The following EMCN variants were observed in gnomAD, a reference collection of about 807,000 sequenced individuals.
EMCN encodes the protein MUC-14.
A neutral mutation model predicts 38.4 loss-of-function variants in EMCN; 37 were observed. The observed-to-expected ratio is 0.96, with a 90% CI of 0.74 to 1.27. The LOEUF (loss-of-function observed/expected upper bound fraction) is 1.27. Among genes scored for constraint, EMCN ranks in the 50% most tolerant of loss-of-function variants. The probability of loss-of-function intolerance (pLI) is 0.00; values close to 1 mark genes in which losing one functional copy is unlikely to be tolerated. For missense variants in EMCN, 318 were observed against 302.8 expected (o/e 1.05, Z -0.37); for synonymous variants, 95 against 100.8 (o/e 0.94, Z 0.35).
chr4:100,512,750 G>A (rs6823200), intron 1 of EMCN, among the ~76,000 whole-genome samples: 24,722 of 149,634 alleles, frequency 0.17, 3,165 homozygotes, highest in East Asian at 0.7. Flanking sequence ...AAGTTGCAGT[G>A]AGCCAATATC....
chr4:100,399,399 C>T (rs1232326225), intron 11 of EMCN, among the ~76,000 whole-genome samples: 1 of 151,964 alleles, frequency 6.6e-6, no homozygotes, highest in African/African-American at 2.4e-5. Flanking sequence ...GTAACCAGCT[C>T]TTTCCTGGTT....
intron 4 of EMCN, among the ~76,000 whole-genome samples, chr4:100,452,776 T>C (rs984104565): frequency 1.3e-5 from 2 of 152,040 alleles, no homozygotes; most frequent in Admixed American, 1.3e-4. Flanking sequence ...GACTTCAAAC[T>C]ATACTACAAG....
intron 1 of EMCN, among the ~76,000 whole-genome samples, chr4:100,481,796 A>G (rs908015727): frequency 1.3e-5 from 2 of 152,088 alleles, no homozygotes; most frequent in African/African-American, 4.8e-5. Flanking sequence ...CTTCCTAAAT[A>G]GTAACATTCT....
intron 5 of EMCN, among the ~76,000 whole-genome samples, chr4:100,427,537 T>G (rs1241545379): frequency 2.0e-5 from 3 of 150,664 alleles, no homozygotes; most frequent in South Asian, 4.2e-4. Context: ...TCTTCCCACC[T>G]CAGCCTCTCA....
chr4:100,472,319 T>C (rs1258089108), intron 3 of EMCN, among the ~76,000 whole-genome samples: 1 of 151,648 alleles, frequency 6.6e-6, no homozygotes, highest in African/African-American at 2.4e-5. Context: ...ATAGTAGCAA[T>C]GAATAATCCA....
chr4:100,459,207 CTCTCTCTCTCTCTCTCT>C lies in EMCN; in HGVS notation c.376+6199_376+6215del, dbSNP rs1728104848. Among the ~76,000 whole-genome samples the C allele has an allele frequency of 6.5e-5, 3 of 46,272 alleles. No homozygotes were observed. The South Asian group carries it at 2.9e-3, about 45-fold the overall frequency. 30.4% of individuals were successfully genotyped at this position (46,272 alleles called of 152,430 possible). A position where few individuals can be genotyped will look rare whatever the true frequency, so the allele number is the denominator to read the frequency against. On this transcript the variant is annotated intron_variant, in intron 4 of 11. Transcript: ENST00000296420. The stretch of plus-strand genomic sequence containing the variant: ...TCTCTCTCTCTCTCTCTCTCTCTCT[CTCTCTCTCTCTCTCTCT>C]CTCTCATCTCTAGAGAGAGAGACAG...
intron 1 of EMCN, among the ~76,000 whole-genome samples, chr4:100,508,335 GA>G (rs1279890837): frequency 6.6e-6 from 1 of 152,096 alleles, no homozygotes; most frequent in Non-Finnish European, 1.5e-5. Context: ...GGCTCAATGG[GA>G]AAAATATAAG....
intron 4 of EMCN, among the ~76,000 whole-genome samples, chr4:100,458,172 T>C (rs910874719): frequency 1.3e-5 from 2 of 151,968 alleles, no homozygotes; most frequent in African/African-American, 4.8e-5. Context: ...GGAGGATTGG[T>C]GTTAATTCTT....
At chr4:100,491,188 G>A (rs1389698804) in intron 1 of EMCN, among the ~76,000 whole-genome samples, 3 of 151,934 alleles carry the variant, frequency 2.0e-5, no homozygotes, top group Non-Finnish European at 4.4e-5. Flanking sequence ...TTTAGCTTTT[G>A]TTGCCTGCAT....
intron 5 of EMCN, among the ~76,000 whole-genome samples, chr4:100,427,363 C>T (rs1578405855): frequency 6.6e-6 from 1 of 152,024 alleles, no homozygotes; most frequent in African/African-American, 2.4e-5. Context: ...CCTTCATTTA[C>T]TGGGCTCAAG....
chr4:100,448,839 C>CTTCCTTCCTTCCTTCCTTA lies in EMCN; in HGVS notation c.377-1269_377-1268insTAAGGAAGGAAGGAAGGAA, dbSNP rs1560619352. 1.5e-4 allele frequency among the ~76,000 whole-genome samples: 23 copies of CTTCCTTCCTTCCTTCCTTA among 149,524 alleles called. 3 individuals carry two copies. The highest frequency in any genetic ancestry group is 5.7e-4 in the African/African-American group (23 of 40,074). The stretch of plus-strand genomic sequence containing the variant: ...TCCTTCCTTCCTCCCTCCCTCCCTC[C>CTTCCTTCCTTCCTTCCTTA]CTCCCTTCCTTGCTTTCTGGCTTGC... On this transcript the variant is annotated intron_variant, in intron 4 of 11. Coordinates refer to ENST00000296420, the MANE Select transcript of EMCN (RefSeq NM_016242.4).
intron 2 of EMCN, among the ~76,000 whole-genome samples, chr4:100,475,779 G>A (rs1192489457): frequency 2.8e-5 from 4 of 141,664 alleles, no homozygotes; most frequent in East Asian, 4.5e-4. Context: ...CTGGGTTCAC[G>A]CCATTCTCCT....
intron 3 of EMCN, among the ~76,000 whole-genome samples, chr4:100,472,193 G>C (rs1167050712): frequency 6.6e-6 from 1 of 151,732 alleles, no homozygotes. Context: ...CTTGAACATA[G>C]AAAATTCTAA....
chr4:100,494,023 A>G (rs550811216), intron 1 of EMCN, among the ~76,000 whole-genome samples: 19 of 152,310 alleles, frequency 1.2e-4, no homozygotes, highest in Admixed American at 1.2e-3. Context: ...CTGGGACAAA[A>G]ACATATCTTT....
intron 5 of EMCN, among the ~76,000 whole-genome samples, chr4:100,424,317 C>T (rs933363422): frequency 2.0e-5 from 3 of 152,184 alleles, no homozygotes; most frequent in African/African-American, 7.2e-5. Context: ...TGCCTTGCCT[C>T]TTCACTGAAT....
intron 4 of EMCN, among the ~76,000 whole-genome samples, chr4:100,459,092 A>T (rs1258309765): frequency 6.6e-6 from 1 of 151,936 alleles, no homozygotes; most frequent in Non-Finnish European, 1.5e-5. Context: ...TGAGAATTAC[A>T]TGAATTTGTA....
intron 4 of EMCN, among the ~76,000 whole-genome samples, chr4:100,464,838 T>C (rs1728271984): frequency 6.6e-6 from 1 of 152,204 alleles, no homozygotes; most frequent in African/African-American, 2.4e-5. Context: ...ACTTGCTTTT[T>C]CTTTTCATTC....
At chr4:100,465,113 C>T (rs906712227) in intron 4 of EMCN, among the ~76,000 whole-genome samples, 3 of 151,964 alleles carry the variant, frequency 2.0e-5, no homozygotes, top group Non-Finnish European at 4.4e-5. Context: ...TTATTTCTTT[C>T]TAACAATTTT....
At chr4:100,509,216 A>AT (rs940130850) in intron 1 of EMCN, among the ~76,000 whole-genome samples, 5 of 152,288 alleles carry the variant, frequency 3.3e-5, no homozygotes, top group Non-Finnish European at 7.4e-5. Flanking sequence ...TGTCTAAATG[A>AT]TTTTTTCTTC....
Sources: gnomAD v4.1 joint callset for allele counts (sites outside exome capture counted in the v4.1 genomes callset) on GRCh38, gnomAD v4.1.1 for gene constraint, MANE v1.5 for transcripts, NCBI Gene and HGNC (gene_info 2026-07-23, HGNC 2026-07-21) for gene names.